The following PPP2R5C variants were observed in gnomAD, a reference collection of about 807,000 sequenced individuals.
The protein encoded by PPP2R5C is protein phosphatase 2 regulatory subunit B'gamma.
Under a neutral mutation model 68.9 loss-of-function variants are expected in PPP2R5C, and 7 were observed. The ratio of observed to expected loss-of-function variants is 0.10; its 90% confidence interval spans 0.06 to 0.19. PPP2R5C has a LOEUF of 0.19. Among genes scored for constraint, PPP2R5C ranks in the 10% least tolerant of loss-of-function variants. The pLI, the probability that PPP2R5C is intolerant of heterozygous loss-of-function variation, is 1.00. For missense variants in PPP2R5C, 348 were observed against 641.3 expected, an observed-to-expected ratio of 0.54 and a Z score of 4.94; for synonymous variants, 210 against 222.2, an observed-to-expected ratio of 0.95 and a Z score of 0.49.
intron 2 of PPP2R5C, among the ~76,000 whole-genome samples, chr14:101,875,918 T>C (rs969768873): frequency 2.0e-5 from 3 of 152,334 alleles, no homozygotes; most frequent in Non-Finnish European, 4.4e-5. Context: ...CAAGGCCTTG[T>C]AACTAGGTCA....
At chr14:101,761,499 G>T (rs1257391963), upstream of PPP2R5C, among the ~76,000 whole-genome samples, 3 of 150,198 alleles carry the variant, frequency 2.0e-5, no homozygotes, top group Non-Finnish European at 4.5e-5. Context: ...CGGAGAGGGT[G>T]GGGGGAGCGG....
intron 1 of PPP2R5C, among the ~76,000 whole-genome samples, chr14:101,814,288 A>C (rs1459516800): frequency 6.6e-6 from 1 of 152,212 alleles, no homozygotes; most frequent in Non-Finnish European, 1.5e-5. Flanking sequence ...CTCTCTGCAA[A>C]GTGACTTTAT....
At chr14:101,773,682 G>C (rs1247633456) in intron 2 of PPP2R5C, among the ~76,000 whole-genome samples, 2 of 152,106 alleles carry the variant, frequency 1.3e-5, no homozygotes, top group Non-Finnish European at 2.9e-5. Flanking sequence ...TTTTGGCAGG[G>C]AGGGGGAGTT....
chr14:101,865,837 C>A (rs926549087), intron 2 of PPP2R5C, among the ~76,000 whole-genome samples: 1 of 152,120 alleles, frequency 6.6e-6, no homozygotes, highest in Non-Finnish European at 1.5e-5. Flanking sequence ...CTCAATGCAG[C>A]CTTCTTTCTT....
chr14:101,844,522 G>C (rs909712023), intron 1 of PPP2R5C, among the ~76,000 whole-genome samples: 9 of 152,174 alleles, frequency 5.9e-5, no homozygotes, highest in Admixed American at 3.9e-4. Flanking sequence ...GTCTGTCACC[G>C]ACCCTCCCTG....
rs936016900 is a variant in PPP2R5C at position 101,916,069 on chromosome 14, A to T, written c.1327-1762A>T. ...GATCTGCTGAGAGGTGAGGGTGGAG[A>T]GGGAGCAGAATTCCCCCAAAATGTC... is the stretch of plus-strand genomic sequence containing the variant. On this transcript the variant is annotated intron_variant, in intron 12 of 13. Transcript: ENST00000334743. This position sits in a 1 kb window ranked among gnomAD's most constrained non-coding sequence, Gnocchi z 5.5. 6.6e-6 allele frequency among the ~76,000 whole-genome samples: 1 copy of T among 152,070 alleles called. No homozygotes were observed. Among genetic ancestry groups the T allele is most frequent in the African/African-American group, 2.4e-5 (1 of 41,410 alleles).
intron 1 of PPP2R5C, among the ~76,000 whole-genome samples, chr14:101,817,445 G>C (rs2039790563): frequency 6.6e-6 from 1 of 152,138 alleles, no homozygotes; most frequent in Non-Finnish European, 1.5e-5. Context: ...GCCAGTGTTG[G>C]TCCTCTGGTT....
chr14:101,859,175 C>T (rs2042611550), intron 2 of PPP2R5C, among the ~76,000 whole-genome samples: 1 of 152,220 alleles, frequency 6.6e-6, no homozygotes, highest in African/African-American at 2.4e-5. Flanking sequence ...GACTTCTGCC[C>T]TCCTAAAGCT....
intron 1 of PPP2R5C, among the ~76,000 whole-genome samples, chr14:101,847,941 C>T (rs1252272641): frequency 6.6e-6 from 1 of 152,100 alleles, no homozygotes; most frequent in African/African-American, 2.4e-5. Context: ...GATTACTGCG[C>T]CACTGTGCCC....
chr14:101,908,291 C>G (rs1279646457), intron 10 of PPP2R5C, among the ~76,000 whole-genome samples: 7 of 152,260 alleles, frequency 4.6e-5, no homozygotes, highest in Non-Finnish European at 8.8e-5. Flanking sequence ...CCAAGACCCT[C>G]ATGGCAATAG....
At chr14:101,817,169 G>C (rs1375134074) in intron 1 of PPP2R5C, among the ~76,000 whole-genome samples, 1 of 151,684 alleles carries the variant, frequency 6.6e-6, no homozygotes, top group East Asian at 1.9e-4. Flanking sequence ...TGTTGACCAG[G>C]ATTGTCTCGA....
Position 101,835,587 on chromosome 14 carries a change from G to T in PPP2R5C, c.95-21099G>T, listed in dbSNP as rs564164142. Reference sequence around the variant, plus strand: ...AGGAACCATTGATTTCAATTCACGGGCTTTTTCCATTGAGGAATTTAAAGG... The same window carrying T: ...AGGAACCATTGATTTCAATTCACGGTCTTTTTCCATTGAGGAATTTAAAGG... On this transcript the variant is annotated intron_variant, in intron 1 of 13. Transcript: ENST00000334743. This position sits in a 1 kb window ranked among gnomAD's most constrained non-coding sequence, Gnocchi z 5.0. 6.6e-6 allele frequency among the ~76,000 whole-genome samples: 1 copy of T among 152,346 alleles called. No individual in the cohort carries two copies. The highest frequency in any genetic ancestry group is 1.5e-5 in the Non-Finnish European group (1 of 68,022).
At chr14:101,900,039 A>G (rs2045587691) in intron 8 of PPP2R5C, among the ~76,000 whole-genome samples, 1 of 151,892 alleles carries the variant, frequency 6.6e-6, no homozygotes, top group Admixed American at 6.6e-5. Context: ...GGTGCCCATC[A>G]CCACACCAGG....
upstream of PPP2R5C, chr14:101,761,677 ACGCCGCCGCTGC>A (rs935154771): frequency 2.1e-5 from 4 of 192,878 alleles, no homozygotes; most frequent in East Asian, 2.1e-4. Context: ...GGGCGGAGAG[ACGCCGCCGCTGC>A]CGCCGCCGCC....
intron 9 of PPP2R5C, among the ~76,000 whole-genome samples, chr14:101,904,924 T>C (rs2045937058): frequency 6.6e-6 from 1 of 152,266 alleles, no homozygotes; most frequent in South Asian, 2.1e-4. Context: ...CTGTGGAACG[T>C]GCACTTGTGT....
chr14:101,882,105 T>A lies in PPP2R5C; in HGVS notation c.295-56T>A. 7.3e-7 allele frequency: 1 copy of A among 1,369,278 alleles called. No homozygotes were observed. The highest frequency in any genetic ancestry group is 9.9e-7 in the Non-Finnish European group (1 of 1,006,468). 84.8% of individuals were successfully genotyped at this position (1,369,278 alleles called of 1,614,324 possible). A position where few individuals can be genotyped will look rare whatever the true frequency, so the allele number is the denominator to read the frequency against. On this transcript the variant is annotated intron_variant, in intron 2 of 13. Coordinates refer to ENST00000334743, the Ensembl canonical transcript of PPP2R5C. This position sits in a 1 kb window ranked among gnomAD's most constrained non-coding sequence, Gnocchi z 4.9. ...GAATTACCTAAGACTTTATAAAATG[T>A]TGTCTGTAAATATTTTAAATGCCCT...
At chr14:101,841,188 T>G (rs948092825) in intron 1 of PPP2R5C, among the ~76,000 whole-genome samples, 10 of 151,880 alleles carry the variant, frequency 6.6e-5, no homozygotes, top group Admixed American at 2.0e-4. Flanking sequence ...AGAGGTGGAG[T>G]TGGGACTCCA....
intron 2 of PPP2R5C, among the ~76,000 whole-genome samples, chr14:101,785,284 A>T (rs936751326): frequency 6.6e-6 from 1 of 152,284 alleles, no homozygotes; most frequent in South Asian, 2.1e-4. Flanking sequence ...GCACCACTGT[A>T]CAAGTTACAC....
Position 101,897,063 on chromosome 14 carries a change from G to A in PPP2R5C, c.852+2503G>A, listed in dbSNP as rs377413312. Among the ~76,000 whole-genome samples the A allele has an allele frequency of 2.3e-4, 35 of 152,162 alleles. 2 individuals are homozygous for A. The highest frequency in any genetic ancestry group is 1.5e-3 in the East Asian group (8 of 5,172). ...TGCTACAGAGCCACGAGCTGGGCCC[G>A]CCCTGTCCTGCCGGGCCCTCGTGGA... On this transcript the variant is annotated intron_variant, in intron 8 of 13. Coordinates refer to ENST00000334743, the Ensembl canonical transcript of PPP2R5C.
Sources: gnomAD v4.1 joint callset for allele counts (sites outside exome capture counted in the v4.1 genomes callset) on GRCh38, gnomAD v4.1.1 for gene constraint, Gnocchi (gnomAD v3.1) non-coding constraint, MANE v1.5 for transcripts, NCBI Gene and HGNC (gene_info 2026-07-23, HGNC 2026-07-21) for gene names.